CENPE: variants seen among roughly 807,000 people sequenced by gnomAD.
The protein encoded by CENPE is centromere-associated protein E.
A neutral mutation model predicts 336.1 loss-of-function variants in CENPE; 145 were observed. The observed-to-expected ratio is 0.43, with a 90% confidence interval of 0.38 to 0.50. The LOEUF (loss-of-function observed/expected upper bound fraction) is 0.50, where lower values mean the gene tolerates loss of function less well. Ranked by LOEUF, CENPE falls within the 20% of genes least tolerant of loss-of-function variation. The pLI is 0.00. For missense variants in CENPE, 2,719 were observed against 3,023.3 expected (o/e 0.90, Z 2.36); for synonymous variants, 1,013 against 984.8 (o/e 1.03, Z -0.54).
At chr4:103,118,294 T>C (rs1442775278) in intron 44 of CENPE, among the ~76,000 whole-genome samples, 12 of 152,198 alleles carry the variant, frequency 7.9e-5, no homozygotes, top group Non-Finnish European at 1.0e-4. Context: ...ATTATTTTAA[T>C]TTGTGATTCT....
intron 16 of CENPE, among the ~76,000 whole-genome samples, chr4:103,171,376 AAAT>A (rs1177021974): frequency 7.9e-5 from 12 of 152,144 alleles, no homozygotes. Context: ...GAAATTCTGG[AAAT>A]ATTACAAATA....
In CENPE at chr4:103,188,222, G is replaced by A. The variant is rs200915892; in HGVS notation, c.694-2361C>T. The stretch of plus-strand genomic sequence containing the variant: ...GAGACTTTAACACCCCACTGTCAAC[G>A]TTAGACAGATCAACGAGACAGAAAG... On this transcript the variant is annotated intron_variant, in intron 8 of 48. Coordinates refer to ENST00000265148, the MANE Select transcript of CENPE (RefSeq NM_001813.3). Among the ~76,000 whole-genome samples the A allele has an allele frequency of 2.4e-3, 360 of 151,982 alleles. 16 individuals are homozygous for A. The East Asian group carries it at 0.064, about 27-fold the overall frequency.
chr4:103,117,745 A>G (rs566731339), intron 44 of CENPE, among the ~76,000 whole-genome samples: 1 of 149,180 alleles, frequency 6.7e-6, no homozygotes, highest in African/African-American at 2.5e-5. Context: ...CTCCTGCCTC[A>G]GTCCCCTGAG....
rs1283362786 is a variant in CENPE, at chr4:103,176,015, G to A, written c.1424C>T (p.Thr475Ile). The change falls in exon 15 of 49, where the codon ACT (threonine) becomes ATT (isoleucine). Residue 475 changes from threonine (T) to isoleucine (I), a missense_variant. Thr to Ile is a moderately conservative substitution (Grantham distance 89). Coordinates refer to ENST00000265148, the MANE Select transcript of CENPE (RefSeq NM_001813.3). ...VCSESDVFSNTLDTLSEIEWN... is the reference protein window; with the variant it reads ...VCSESDVFSNILDTLSEIEWN... Reference sequence around the variant, plus strand: ...TTCTATCTCACTTAATGTATCAAGAGTGTTACTGAAAACATCAGACTCTGA... The same window carrying A: ...TTCTATCTCACTTAATGTATCAAGAATGTTACTGAAAACATCAGACTCTGA... 3 of 1,604,344 alleles carry A rather than the reference G, an allele frequency of 1.9e-6. No homozygotes were observed. Among genetic ancestry groups the A allele is most frequent in the Non-Finnish European group, 2.6e-6 (3 of 1,175,470 alleles).
intron 44 of CENPE, among the ~76,000 whole-genome samples, chr4:103,118,175 T>C (rs1387940629): frequency 6.6e-6 from 1 of 152,190 alleles, no homozygotes; most frequent in Non-Finnish European, 1.5e-5. Flanking sequence ...GGCTGTACCA[T>C]TTTGCATTTC....
intron 34 of CENPE, among the ~76,000 whole-genome samples, chr4:103,142,849 A>G (rs1478276302): frequency 6.6e-6 from 1 of 151,954 alleles, no homozygotes; most frequent in East Asian, 1.9e-4. Flanking sequence ...CTCTACTAAA[A>G]ATACAAAAAT....
intron 16 of CENPE, among the ~76,000 whole-genome samples, chr4:103,172,454 C>T (rs889680834): frequency 2.6e-5 from 4 of 151,926 alleles, no homozygotes. Context: ...TGCCTCAACA[C>T]AATAAAGGCC....
intron 38 of CENPE, among the ~76,000 whole-genome samples, chr4:103,138,719 T>C (rs1008824942): frequency 5.3e-5 from 8 of 152,076 alleles, no homozygotes; most frequent in Non-Finnish European, 8.8e-5. Context: ...AATTAGGTTT[T>C]AGGGCCAGGC....
At chr4:103,194,740 T>G in intron 5 of CENPE, 56 bp from the exon 6 acceptor site, 1 of 1,388,794 alleles carries the variant, frequency 7.2e-7, no homozygotes, top group Non-Finnish European at 9.9e-7. Flanking sequence ...AAGTTTGCTT[T>G]TCAAAAGAAG....
In CENPE at chr4:103,158,860, C is replaced by G. The variant is rs763407176; in HGVS notation, c.2628G>C (p.Gln876His). Residue 876 changes from glutamine (Q) to histidine (H), a missense_variant, in exon 23 of 49, where the codon CAG becomes CAC. Coordinates refer to ENST00000265148, the MANE Select transcript of CENPE (RefSeq NM_001813.3). ...TTTCTTGAACCTCACGTGTTTTCTC[C>G]TGAAGTTCTTGGGTCTTGTAAGAAA... ...TELSYKTQELQEKTREVQERL... is the reference protein window; with the variant it reads ...TELSYKTQELHEKTREVQERL... The G allele has an allele frequency of 6.2e-7, 1 of 1,603,070 alleles. No individual in the cohort carries two copies. Among genetic ancestry groups the G allele is most frequent in the South Asian group, 1.1e-5 (1 of 88,044 alleles).
intron 42 of CENPE, among the ~76,000 whole-genome samples, chr4:103,124,849 C>T (rs1407087078): frequency 2.6e-5 from 4 of 152,172 alleles, no homozygotes; most frequent in African/African-American, 9.7e-5. Flanking sequence ...ACACCCTGGA[C>T]ACTCCTTGGC....
At chr4:103,111,699 A>T (rs1749445165) in intron 46 of CENPE, among the ~76,000 whole-genome samples, 1 of 152,048 alleles carries the variant, frequency 6.6e-6, no homozygotes, top group Non-Finnish European at 1.5e-5. Flanking sequence ...CTACAAATCA[A>T]GAATAAATAT....
intron 11 of CENPE, 111 bp from the exon 12 acceptor site, chr4:103,181,567 T>A: frequency 2.3e-6 from 2 of 866,038 alleles, no homozygotes; most frequent in Non-Finnish European, 3.4e-6. Flanking sequence ...ATACTCTTTC[T>A]AGTTGGCTTA....
At chr4:103,181,097 C>A (rs1756290338) in intron 12 of CENPE, among the ~76,000 whole-genome samples, 1 of 152,096 alleles carries the variant, frequency 6.6e-6, no homozygotes, top group African/African-American at 2.4e-5. Flanking sequence ...TTGATAATCT[C>A]AGATTTTGCC....
At chr4:103,119,178 A>G (rs576159636) in intron 44 of CENPE, among the ~76,000 whole-genome samples, 1 of 152,200 alleles carries the variant, frequency 6.6e-6, no homozygotes, top group East Asian at 1.9e-4. Flanking sequence ...CTTAATATAT[A>G]TAACATATAT....
chr4:103,130,652 C>CTAATTCCA (rs890693393), intron 42 of CENPE, among the ~76,000 whole-genome samples: 5 of 152,164 alleles, frequency 3.3e-5, no homozygotes, highest in Admixed American at 2.6e-4. Context: ...TAGGGACAAA[C>CTAATTCCA]TAATTCCAAA....
intron 8 of CENPE, among the ~76,000 whole-genome samples, chr4:103,186,304 T>C (rs530750969): frequency 5.2e-4 from 79 of 152,334 alleles, no homozygotes; most frequent in African/African-American, 1.8e-3. Flanking sequence ...CCTTATTCTT[T>C]ATTCAAGAAC....
At chr4:103,188,082 CAAG>C (rs2126038412) in intron 8 of CENPE, among the ~76,000 whole-genome samples, 1 of 152,168 alleles carries the variant, frequency 6.6e-6, no homozygotes, top group Non-Finnish European at 1.5e-5. Context: ...ATCAATTCAA[CAAG>C]AAGAGCTAAC....
At chr4:103,156,686 T>C (rs964274382) in intron 24 of CENPE, among the ~76,000 whole-genome samples, 1 of 152,036 alleles carries the variant, frequency 6.6e-6, no homozygotes. Flanking sequence ...ATTTCTTGGA[T>C]ATGACACCAA....
Sources: gnomAD v4.1 joint callset for allele counts (sites outside exome capture counted in the v4.1 genomes callset) on GRCh38, gnomAD v4.1.1 for gene constraint, MANE v1.5 for transcripts, NCBI Gene and HGNC (gene_info 2026-07-23, HGNC 2026-07-21) for gene names.